The following NELL2 variants were observed in gnomAD, a reference collection of about 807,000 sequenced individuals.
The protein encoded by NELL2 is protein kinase C-binding protein NELL2.
NELL2 carries 41 observed loss-of-function variants against 109.6 expected under a neutral mutation model. The observed-to-expected ratio is 0.37, with a 90% CI of 0.29 to 0.49. The LOEUF is 0.49. NELL2 is among the 20% of genes least tolerant of loss of function. The probability of loss-of-function intolerance (pLI) is 0.98; values close to 1 mark genes in which losing one functional copy is unlikely to be tolerated. For missense variants in NELL2, 900 were observed against 1,008.3 expected, an observed-to-expected ratio of 0.89 and a Z score of 1.45; for synonymous variants, 355 against 344.7, an observed-to-expected ratio of 1.03 and a Z score of -0.33.
chr12:44,522,232 C>T (rs948031478), intron 17 of NELL2, 56 bp from the exon 18 acceptor site: 25 of 1,316,360 alleles, frequency 1.9e-5, no homozygotes, highest in Non-Finnish European at 2.3e-5. Context: ...CAGTAACACG[C>T]ACACACACAC....
At chr12:44,548,409 G>A (rs1942891241) in intron 15 of NELL2, among the ~76,000 whole-genome samples, 1 of 152,060 alleles carries the variant, frequency 6.6e-6, no homozygotes, top group Non-Finnish European at 1.5e-5. Flanking sequence ...GCTGGGCATG[G>A]TAGCAGGCAC....
chr12:44,623,909 T>C (rs1314736284), intron 13 of NELL2, among the ~76,000 whole-genome samples: 1 of 152,006 alleles, frequency 6.6e-6, no homozygotes, highest in Non-Finnish European at 1.5e-5. Flanking sequence ...CACTGCATGT[T>C]CTCACTCATG....
chr12:44,857,576 C>A (rs1322422354), intron 2 of NELL2, among the ~76,000 whole-genome samples: 1 of 152,176 alleles, frequency 6.6e-6, no homozygotes, highest in Non-Finnish European at 1.5e-5. Flanking sequence ...CCAAGGTTAT[C>A]CAGACAGAGC....
intron 15 of NELL2, among the ~76,000 whole-genome samples, chr12:44,588,086 G>A (rs1451500002): frequency 6.6e-6 from 1 of 150,940 alleles, no homozygotes. Flanking sequence ...GGGAGGTGGA[G>A]GTTGCAGGGA....
intron 13 of NELL2, among the ~76,000 whole-genome samples, chr12:44,660,816 T>A (rs1947715057): frequency 6.6e-6 from 1 of 152,170 alleles, no homozygotes; most frequent in South Asian, 2.1e-4. Flanking sequence ...TTCACTCAGA[T>A]CTTTACTCAA....
intron 9 of NELL2, among the ~76,000 whole-genome samples, chr12:44,747,686 T>G (rs1456788740): frequency 6.6e-6 from 1 of 152,098 alleles, no homozygotes; most frequent in Non-Finnish European, 1.5e-5. Context: ...AGGTCTCCCC[T>G]GTGAATAAAC....
At chr12:44,801,744 T>G (rs1456981165) in intron 3 of NELL2, among the ~76,000 whole-genome samples, 11 of 152,130 alleles carry the variant, frequency 7.2e-5, no homozygotes, top group Admixed American at 7.2e-4. Flanking sequence ...TGTTAACCCT[T>G]GCAATGAAGG....
intron 1 of NELL2, among the ~76,000 whole-genome samples, chr12:44,899,759 C>A (rs1312364489): frequency 1.3e-5 from 2 of 152,098 alleles, no homozygotes; most frequent in African/African-American, 4.8e-5. Flanking sequence ...TCACACATAA[C>A]AATATTAACC....
At chr12:44,787,629 G>T (rs1209964019) in intron 3 of NELL2, among the ~76,000 whole-genome samples, 1 of 152,012 alleles carries the variant, frequency 6.6e-6, no homozygotes, top group Non-Finnish European at 1.5e-5. Flanking sequence ...TATGGACAGA[G>T]AATCAAGAAT....
At chr12:44,855,497 A>G (rs1944658453) in intron 2 of NELL2, among the ~76,000 whole-genome samples, 6 of 152,194 alleles carry the variant, frequency 3.9e-5, no homozygotes, top group Admixed American at 3.9e-4. Context: ...TGTACGGGCT[A>G]AAAATTCTAA....
intron 2 of NELL2, among the ~76,000 whole-genome samples, chr12:44,836,291 T>A (rs539308779): frequency 6.6e-6 from 1 of 152,258 alleles, no homozygotes; most frequent in East Asian, 1.9e-4. Flanking sequence ...GCGGGTGAGA[T>A]CCCAATCTAT....
intron 1 of NELL2, among the ~76,000 whole-genome samples, chr12:44,902,955 A>G (rs1245067081): frequency 6.6e-6 from 1 of 152,244 alleles, no homozygotes; most frequent in African/African-American, 2.4e-5. Context: ...AAACCCTAGA[A>G]GAAAACCTAG....
chr12:44,741,506 A>G (rs1939960021), intron 9 of NELL2, among the ~76,000 whole-genome samples: 1 of 152,230 alleles, frequency 6.6e-6, no homozygotes, highest in Admixed American at 6.5e-5. Flanking sequence ...AGGGCGAGGC[A>G]TCGCCTCACC....
intron 2 of NELL2, among the ~76,000 whole-genome samples, chr12:44,849,877 A>T (rs1413228887): frequency 6.6e-6 from 1 of 152,214 alleles, no homozygotes; most frequent in Admixed American, 6.5e-5. Context: ...AAGTGAAAAA[A>T]GCCAGGCACA....
chr12:44,630,477 A>G (rs181885347), intron 13 of NELL2, among the ~76,000 whole-genome samples: 3 of 152,292 alleles, frequency 2.0e-5, no homozygotes, highest in Admixed American at 6.5e-5. Context: ...TTGAAAGTGT[A>G]TATCTTTTGA....
intron 13 of NELL2, among the ~76,000 whole-genome samples, chr12:44,655,476 G>A (rs1467601305): frequency 6.6e-6 from 1 of 152,218 alleles, no homozygotes; most frequent in East Asian, 1.9e-4. Context: ...CAGAGGCTTT[G>A]AGCCTGTTCC....
intron 9 of NELL2, among the ~76,000 whole-genome samples, chr12:44,770,264 A>G (rs2136571879): frequency 6.6e-6 from 1 of 152,336 alleles, no homozygotes; most frequent in East Asian, 1.9e-4. Context: ...AAAAACAGTA[A>G]TAACAGTTAA....
intron 1 of NELL2, among the ~76,000 whole-genome samples, chr12:44,898,225 C>G (rs1238218855): frequency 6.6e-6 from 1 of 151,688 alleles, no homozygotes; most frequent in African/African-American, 2.4e-5. Context: ...CTGAAGAGAG[C>G]AGCAGATCTC....
chr12:44,718,274 T>G (rs926553107), intron 9 of NELL2, among the ~76,000 whole-genome samples: 6 of 152,120 alleles, frequency 3.9e-5, no homozygotes, highest in Admixed American at 6.6e-5. Context: ...TTCTGAGAGA[T>G]AACAATAATC....
Sources: gnomAD v4.1 joint callset for allele counts (sites outside exome capture counted in the v4.1 genomes callset) on GRCh38, gnomAD v4.1.1 for gene constraint, MANE v1.5 for transcripts, NCBI Gene and HGNC (gene_info 2026-07-23, HGNC 2026-07-21) for gene names.